MIR2052HG: variants seen among roughly 807,000 people sequenced by gnomAD.
The protein encoded by MIR2052HG is MIR2052 host gene.
intron 1 of MIR2052HG, among the ~76,000 whole-genome samples, chr8:74,609,238 G>A (rs1311455388): frequency 1.3e-5 from 2 of 151,840 alleles, no homozygotes; most frequent in Non-Finnish European, 2.9e-5. Context: ...AATTAACAGA[G>A]TTTACTGAGG....
rs555860839 is a variant in MIR2052HG, at chr8:74,713,501, GT to G, written n.371+9827del. Among the ~76,000 whole-genome samples, 190 of 151,558 alleles carry G rather than the reference GT, an allele frequency of 1.3e-3. 2 individuals carry two copies. The highest frequency in any genetic ancestry group is 4.2e-3 in the African/African-American group (172 of 41,290). The stretch of plus-strand genomic sequence containing the variant: ...CCTCTGACCTGTTTGCTTATCTTCA[GT>G]TTTTTTTCATTTCTTTCCTTTTCAT... On this transcript the variant is annotated intron_variant and non_coding_transcript_variant, in intron 4 of 6. Coordinates refer to ENST00000523442, the Ensembl canonical transcript of MIR2052HG.
At chr8:74,744,444 T>G (rs1278202024) in intron 4 of MIR2052HG, among the ~76,000 whole-genome samples, 3 of 152,112 alleles carry the variant, frequency 2.0e-5, no homozygotes, top group Non-Finnish European at 4.4e-5. Context: ...CATCTAGCAT[T>G]AGGTATATCT....
intron 2 of MIR2052HG, among the ~76,000 whole-genome samples, chr8:74,635,471 T>G (rs1808571606): frequency 6.6e-6 from 1 of 151,996 alleles, no homozygotes; most frequent in South Asian, 2.1e-4. Context: ...GAATTACAAG[T>G]GAAAGGAGCT....
chr8:74,692,344 G>A (rs1000738437), intron 2 of MIR2052HG, among the ~76,000 whole-genome samples: 1 of 152,016 alleles, frequency 6.6e-6, no homozygotes, highest in Non-Finnish European at 1.5e-5. Flanking sequence ...TGCCTACCTC[G>A]GCCTCCCAAA....
At chr8:74,687,772 T>C (rs902853434) in intron 2 of MIR2052HG, among the ~76,000 whole-genome samples, 1 of 152,168 alleles carries the variant, frequency 6.6e-6, no homozygotes, top group Non-Finnish European at 1.5e-5. Context: ...ATAATACTTA[T>C]AGTTAATAAT....
At chr8:74,690,519 G>C (rs1012348526) in intron 2 of MIR2052HG, among the ~76,000 whole-genome samples, 12 of 152,052 alleles carry the variant, frequency 7.9e-5, no homozygotes, top group African/African-American at 2.9e-4. Flanking sequence ...GTGGTGGCGG[G>C]CGCCTGTAGT....
intron 2 of MIR2052HG, among the ~76,000 whole-genome samples, chr8:74,620,821 A>T (rs1312355930): frequency 6.6e-6 from 1 of 152,114 alleles, no homozygotes; most frequent in Admixed American, 6.5e-5. Flanking sequence ...TCCATTCCTC[A>T]TTACTTATGC....
At chr8:74,641,417 A>C (rs1808637614) in intron 2 of MIR2052HG, among the ~76,000 whole-genome samples, 1 of 152,174 alleles carries the variant, frequency 6.6e-6, no homozygotes, top group African/African-American at 2.4e-5. Flanking sequence ...GGTTATTTTG[A>C]ACTGAAATGT....
chr8:74,634,983 A>T (rs540135199), intron 2 of MIR2052HG, among the ~76,000 whole-genome samples: 2 of 152,282 alleles, frequency 1.3e-5, no homozygotes, highest in East Asian at 3.9e-4. Flanking sequence ...TATATTCATT[A>T]GTCTAATTTT....
intron 2 of MIR2052HG, among the ~76,000 whole-genome samples, chr8:74,652,113 G>A (rs1305405373): frequency 6.6e-6 from 1 of 152,154 alleles, no homozygotes; most frequent in Non-Finnish European, 1.5e-5. Context: ...ATAGGCTATA[G>A]CCTCAGTGTC....
At chr8:74,713,600 G>A (rs1809491424) in intron 4 of MIR2052HG, among the ~76,000 whole-genome samples, 1 of 151,582 alleles carries the variant, frequency 6.6e-6, no homozygotes, top group African/African-American at 2.4e-5. Context: ...ACAAGTCACT[G>A]TAGACAGTGC....
At chr8:74,696,914 C>CT (rs1214482137) in intron 2 of MIR2052HG, among the ~76,000 whole-genome samples, 1 of 151,790 alleles carries the variant, frequency 6.6e-6, no homozygotes, top group East Asian at 1.9e-4. Context: ...TGCACCAGTC[C>CT]TTTTGACACT....
At chr8:74,620,396 G>A (rs879668365) in intron 2 of MIR2052HG, among the ~76,000 whole-genome samples, 3 of 152,202 alleles carry the variant, frequency 2.0e-5, no homozygotes, top group East Asian at 1.9e-4. Flanking sequence ...CCAACCTCAC[G>A]TTTCCCTTCT....
chr8:74,726,360 T>C (rs1809636125), intron 4 of MIR2052HG, among the ~76,000 whole-genome samples: 1 of 152,180 alleles, frequency 6.6e-6, no homozygotes. Flanking sequence ...GATTACCAGT[T>C]ATTTTATTTT....
chr8:74,661,080 C>T (rs1401623715), intron 2 of MIR2052HG, among the ~76,000 whole-genome samples: 2 of 152,236 alleles, frequency 1.3e-5, no homozygotes, highest in East Asian at 3.9e-4. Context: ...ATAACTACAA[C>T]TGAAAGAACA....
intron 4 of MIR2052HG, among the ~76,000 whole-genome samples, chr8:74,735,612 A>T (rs562174399): frequency 6.6e-6 from 1 of 152,298 alleles, no homozygotes; most frequent in African/African-American, 2.4e-5. Context: ...CCCAATGGTG[A>T]AGTTTGACAG....
chr8:74,602,512 C>CA (rs1808015286), intron 1 of MIR2052HG, among the ~76,000 whole-genome samples: 2 of 150,488 alleles, frequency 1.3e-5, no homozygotes, highest in Non-Finnish European at 3.0e-5. Context: ...TGTTTCTTTT[C>CA]TTTCTTTCTT....
chr8:74,665,709 C>T (rs189257376), intron 2 of MIR2052HG, among the ~76,000 whole-genome samples: 1 of 152,218 alleles, frequency 6.6e-6, no homozygotes, highest in Admixed American at 6.5e-5. Context: ...GCCATATTGC[C>T]TGTGTATACA....
chr8:74,627,949 C>T (rs73687182), intron 2 of MIR2052HG, among the ~76,000 whole-genome samples: 3,921 of 152,178 alleles, frequency 0.026, 172 homozygotes, highest in African/African-American at 0.089. Context: ...GCCTGGCTGA[C>T]GGGCTGAGTT....
Sources: gnomAD v4.1 joint callset for allele counts (sites outside exome capture counted in the v4.1 genomes callset) on GRCh38, gnomAD v4.1.1 for gene constraint, MANE v1.5 for transcripts, NCBI Gene and HGNC (gene_info 2026-07-23, HGNC 2026-07-21) for gene names.